Variants in PCDHA2 observed in about 807,000 individuals in gnomAD.
PCDHA2 encodes protocadherin alpha 2.
In PCDHA2, 58 loss-of-function variants were observed where a neutral mutation model predicts 66.0. The observed-to-expected ratio is 0.88, with a 90% confidence interval of 0.71 to 1.09. The LOEUF is 1.09. PCDHA2 is among the 50% of genes least tolerant of loss of function. The pLI is 0.00. For synonymous variants in PCDHA2, 634 were observed against 554.0 expected (o/e 1.14, Z -2.03); for missense variants, 1,267 against 1,242.3 (o/e 1.02, Z -0.30).
chr5:140,834,255 C>T, intron 1 of PCDHA2: 1 of 936,844 alleles, frequency 1.1e-6, no homozygotes, highest in South Asian at 1.7e-5. Context: ...TGGAAAGACG[C>T]TCCACTCTCT....
At chr5:140,985,729 T>C (rs1314785007) in intron 3 of PCDHA2, among the ~76,000 whole-genome samples, 2 of 149,858 alleles carry the variant, frequency 1.3e-5, no homozygotes, top group Non-Finnish European at 3.0e-5. Flanking sequence ...TTTCCTTCAC[T>C]GATGAATTCC....
chr5:140,902,818 T>G (rs1554190664), intron 1 of PCDHA2, among the ~76,000 whole-genome samples: 1 of 152,062 alleles, frequency 6.6e-6, no homozygotes, highest in Non-Finnish European at 1.5e-5. Flanking sequence ...CAATATTTGG[T>G]TTTCGATTTC....
chr5:140,910,580 C>T (rs1384259049), intron 1 of PCDHA2, among the ~76,000 whole-genome samples: 1 of 152,162 alleles, frequency 6.6e-6, no homozygotes, highest in Non-Finnish European at 1.5e-5. Flanking sequence ...CTGGATCCTC[C>T]CAGCTGGGAT....
rs1554149409 is a variant in PCDHA2 at position 140,857,004 on chromosome 5, T to G, written c.2388+59652T>G. 3 of 1,595,634 alleles carry G rather than the reference T, an allele frequency of 1.9e-6. No individual in the cohort carries two copies. The South Asian group carries it at 3.3e-5, about 18-fold the overall frequency. ...GACAGTAACACTTATGAAATTCATG[T>G]AGATGTTACAGATAAGGGAAACCCA... On this transcript the variant is annotated intron_variant, in intron 1 of 3. Coordinates refer to ENST00000526136, the MANE Select transcript of PCDHA2 (RefSeq NM_018905.3).
chr5:140,865,392 A>G (rs1554159412), intron 1 of PCDHA2: 1 of 152,244 alleles, frequency 6.6e-6, no homozygotes, highest in Non-Finnish European at 1.5e-5. Context: ...TAAAGTTAAT[A>G]TAAATGCTGA....
At chr5:140,968,345 G>A in intron 1 of PCDHA2, 2 of 1,614,132 alleles carry the variant, frequency 1.2e-6, no homozygotes, top group Non-Finnish European at 8.5e-7. Flanking sequence ...CATTAACAGT[G>A]CCAGTGGCAG....
intron 1 of PCDHA2, among the ~76,000 whole-genome samples, chr5:140,888,585 AC>A (rs1327529840): frequency 4.6e-5 from 7 of 152,358 alleles, no homozygotes; most frequent in African/African-American, 1.4e-4. Flanking sequence ...ATTTGTTAGT[AC>A]ACATTCAGAG....
At chr5:140,819,318 G>A (rs1302745002) in intron 1 of PCDHA2, among the ~76,000 whole-genome samples, 3 of 152,048 alleles carry the variant, frequency 2.0e-5, no homozygotes, top group Non-Finnish European at 4.4e-5. Context: ...TCTGGGTTTT[G>A]TAAGGAATAA....
At chr5:140,978,455 G>A (rs782473387) in intron 1 of PCDHA2, among the ~76,000 whole-genome samples, 21 of 152,302 alleles carry the variant, frequency 1.4e-4, no homozygotes, top group Non-Finnish European at 2.8e-4. Context: ...GGGCACATCC[G>A]CCCTGGGTCA....
intron 1 of PCDHA2, chr5:140,881,269 G>T (rs1016077757): frequency 3.1e-6 from 2 of 648,656 alleles, no homozygotes; most frequent in Non-Finnish European, 1.9e-6. Context: ...CAGTGATGAT[G>T]AAGTAAGATG....
rs1041971288 is a variant in PCDHA2, at chr5:140,912,300, A to G, written c.2389-66649A>G. ...CCAGGAACAATACTTTGCCTCCTGT[A>G]ATCCAGTCAAGTTGACCCTCAGTAT... On this transcript the variant is annotated intron_variant, in intron 1 of 3. Coordinates refer to ENST00000526136, the MANE Select transcript of PCDHA2 (RefSeq NM_018905.3). Among the ~76,000 whole-genome samples, 5 of 152,070 alleles carry G rather than the reference A, an allele frequency of 3.3e-5. No homozygotes were observed. The East Asian group carries it at 9.7e-4, about 29-fold the overall frequency.
Position 140,951,565 on chromosome 5 carries a change from T to G in PCDHA2, c.2389-27384T>G, listed in dbSNP as rs151148481. Among the ~76,000 whole-genome samples the G allele has an allele frequency of 1.4e-3, 220 of 152,132 alleles. 1 individual carries two copies. Among genetic ancestry groups the G allele is most frequent in the African/African-American group, 4.9e-3 (203 of 41,508 alleles). ...GGACGGGGGGAAGTGCTACGCACTT[T>G]TAAACAACCAGATTTCACGAGATCT... On this transcript the variant is annotated intron_variant, in intron 1 of 3. Transcript: ENST00000526136.
intron 1 of PCDHA2, among the ~76,000 whole-genome samples, chr5:140,956,484 A>G (rs868955895): frequency 1.3e-5 from 2 of 152,226 alleles, no homozygotes; most frequent in South Asian, 2.1e-4. Flanking sequence ...CCAGTCTTGC[A>G]TCCCAGGGAT....
rs552891884 is a variant in PCDHA2 at position 140,857,764 on chromosome 5, G to A, written c.2388+60412G>A. The A allele has an allele frequency of 3.8e-6, 6 of 1,597,520 alleles. 2 individuals carry two copies. In the African/African-American group the frequency reaches 5.4e-5, roughly 14 times the overall value. On this transcript the variant is annotated intron_variant, in intron 1 of 3. Coordinates refer to ENST00000526136, the MANE Select transcript of PCDHA2 (RefSeq NM_018905.3). ...TGCTGGCGTCTCCCGCTGGCAGCGC[G>A]GGCGGTGCAGTCAGTGAGCTGGTGC...
At chr5:140,819,483 A>C (rs1319198819) in intron 1 of PCDHA2, among the ~76,000 whole-genome samples, 1 of 152,184 alleles carries the variant, frequency 6.6e-6, no homozygotes, top group Non-Finnish European at 1.5e-5. Flanking sequence ...AATGATGCTT[A>C]AACATGACTG....
chr5:140,902,798 T>C (rs1554190660), intron 1 of PCDHA2, among the ~76,000 whole-genome samples: 1 of 152,156 alleles, frequency 6.6e-6, no homozygotes, highest in Admixed American at 6.5e-5. Context: ...CACTTGTATG[T>C]GAGAATATAC....
At chr5:140,890,738 A>G (rs1283898948) in intron 1 of PCDHA2, among the ~76,000 whole-genome samples, 1 of 152,200 alleles carries the variant, frequency 6.6e-6, no homozygotes. Context: ...TGACTTATAT[A>G]CTATTTCTGT....
intron 1 of PCDHA2, among the ~76,000 whole-genome samples, chr5:140,964,472 T>C (rs1160731930): frequency 6.6e-6 from 1 of 152,074 alleles, no homozygotes; most frequent in Non-Finnish European, 1.5e-5. Context: ...GTGCCTATGA[T>C]TTTTTCACAG....
At chr5:140,815,498 T>C (rs1447684497) in intron 1 of PCDHA2, 1 of 151,538 alleles carries the variant, frequency 6.6e-6, no homozygotes, top group Non-Finnish European at 1.5e-5. Flanking sequence ...TTTTATGTTA[T>C]TGATGTCATA....
Sources: gnomAD v4.1 joint callset for allele counts (sites outside exome capture counted in the v4.1 genomes callset) on GRCh38, gnomAD v4.1.1 for gene constraint, MANE v1.5 for transcripts, NCBI Gene and HGNC (gene_info 2026-07-23, HGNC 2026-07-21) for gene names.